Variants in OSBPL9 observed in about 807,000 individuals in gnomAD.
OSBPL9 encodes the protein oxysterol-binding protein-related protein 9.
A neutral mutation model predicts 106.6 loss-of-function variants in OSBPL9; 40 were observed. The ratio of observed to expected loss-of-function variants is 0.38; its 90% CI spans 0.29 to 0.49. OSBPL9 has a LOEUF of 0.49. OSBPL9 is among the 20% of genes least tolerant of loss of function. The pLI is 0.97. For synonymous variants in OSBPL9, 269 were observed against 295.4 expected, an observed-to-expected ratio of 0.91 and a Z score of 0.92; for missense variants, 609 against 887.2, an observed-to-expected ratio of 0.69 and a Z score of 3.98.
chr1:51,533,079 T>C, the OSBPL9 span, among the ~76,000 whole-genome samples: 1 of 152,202 alleles, frequency 6.6e-6, no homozygotes, highest in East Asian at 1.9e-4. Context: ...TATTTATTAA[T>C]AACTGGAAGC....
intron 3 of OSBPL9, chr1:51,706,990 G>A (rs1658690806): frequency 6.3e-6 from 1 of 159,764 alleles, no homozygotes. Context: ...TCTTCAGGGG[G>A]TCTGGCATGG....
intron 3 of OSBPL9, chr1:51,709,578 C>G (rs1179913512): frequency 6.5e-6 from 1 of 152,678 alleles, no homozygotes; most frequent in Non-Finnish European, 1.5e-5. Context: ...GATCCGAGGC[C>G]TGTCCCAGGG....
At chr1:51,636,096 G>GTC (rs1645418985) in intron 1 of OSBPL9, among the ~76,000 whole-genome samples, 1 of 149,148 alleles carries the variant, frequency 6.7e-6, no homozygotes, top group African/African-American at 2.5e-5. Context: ...GTGTGTGTGT[G>GTC]TGTGTGTGTG....
At chr1:51,768,086 C>T (rs1673006637) in intron 12 of OSBPL9, among the ~76,000 whole-genome samples, 2 of 151,430 alleles carry the variant, frequency 1.3e-5, no homozygotes, top group South Asian at 4.2e-4. Flanking sequence ...GGACTACAGG[C>T]GCCCGCCACC....
intron 1 of OSBPL9, among the ~76,000 whole-genome samples, chr1:51,581,737 C>T (rs568505517): frequency 6.6e-6 from 1 of 152,260 alleles, no homozygotes; most frequent in African/African-American, 2.4e-5. Flanking sequence ...TTCAGTATAG[C>T]CTTGAACTCC....
chr1:51,661,159 G>A (rs138612778), intron 2 of OSBPL9, among the ~76,000 whole-genome samples: 178 of 152,238 alleles, frequency 1.2e-3, no homozygotes, highest in African/African-American at 4.0e-3. Flanking sequence ...GTTATAATGG[G>A]AGTAGCTATG....
chr1:51,613,763 G>A (rs190437494), upstream of OSBPL9, among the ~76,000 whole-genome samples: 5 of 150,854 alleles, frequency 3.3e-5, no homozygotes, highest in South Asian at 2.1e-4. Context: ...TTGAGACAGG[G>A]TCTTGATCTG....
intron 1 of OSBPL9, among the ~76,000 whole-genome samples, chr1:51,588,522 T>C (rs1044376037): frequency 3.9e-5 from 6 of 152,116 alleles, no homozygotes; most frequent in Non-Finnish European, 5.9e-5. Context: ...TAGCTGGGTG[T>C]GCACCTGTGA....
At chr1:51,726,444 A>G (rs1557746270) in intron 4 of OSBPL9, among the ~76,000 whole-genome samples, 1 of 151,874 alleles carries the variant, frequency 6.6e-6, no homozygotes, top group Non-Finnish European at 1.5e-5. Flanking sequence ...CTACCAAAGC[A>G]TTTTTCATCT....
At chr1:51,764,186 T>C (rs1428229068) in intron 11 of OSBPL9, among the ~76,000 whole-genome samples, 1 of 152,228 alleles carries the variant, frequency 6.6e-6, no homozygotes, top group Non-Finnish European at 1.5e-5. Flanking sequence ...TTTGCTCTCC[T>C]AAGTAAATCT....
chr1:51,583,310 C>T (rs1645231103), intron 1 of OSBPL9: 2 of 152,148 alleles, frequency 1.3e-5, no homozygotes, highest in Admixed American at 1.3e-4. Flanking sequence ...GGAGCTAGCG[C>T]TTACTGAGTC....
intron 4 of OSBPL9, chr1:51,730,090 G>C (rs1218204314): frequency 4.8e-6 from 6 of 1,260,728 alleles, no homozygotes; most frequent in Non-Finnish European, 6.0e-6. Context: ...CGCGAATGTC[G>C]TGCTCACCCT....
intron 4 of OSBPL9, among the ~76,000 whole-genome samples, chr1:51,733,474 G>A (rs1405113454): frequency 1.3e-5 from 2 of 152,152 alleles, no homozygotes; most frequent in Non-Finnish European, 1.5e-5. Context: ...TTTAGAAACA[G>A]TGCTAAAAAT....
At chr1:51,638,101 C>T (rs545644782) in intron 1 of OSBPL9, among the ~76,000 whole-genome samples, 4 of 152,204 alleles carry the variant, frequency 2.6e-5, no homozygotes, top group South Asian at 4.1e-4. Context: ...GCCTTGTTCC[C>T]AGGATCTTGG....
Position 51,725,626 on chromosome 1 carries a change from T to G in OSBPL9, c.318+11547T>G, listed in dbSNP as rs549005350. Among the ~76,000 whole-genome samples the G allele has an allele frequency of 1.1e-4, 16 of 152,336 alleles. No individual in the cohort carries two copies. In the East Asian group the frequency reaches 3.1e-3, roughly 29 times the overall value. On this transcript the variant is annotated intron_variant, in intron 4 of 23. Coordinates refer to ENST00000428468, the MANE Select transcript of OSBPL9 (RefSeq NM_024586.6). ...TTAGTGAACTTTTGTCAACTTCACA[T>G]GTGCTTCTCAAGTCCATCCTGTAAG...
chr1:51,647,011 A>G (rs1296137922), intron 1 of OSBPL9, among the ~76,000 whole-genome samples: 2 of 152,216 alleles, frequency 1.3e-5, no homozygotes, highest in Admixed American at 6.5e-5. Context: ...GTTCTTAGGT[A>G]TAAAGCTTTT....
At chr1:51,608,685 G>C (rs1643965675) in intron 2 of OSBPL9, among the ~76,000 whole-genome samples, 1 of 151,398 alleles carries the variant, frequency 6.6e-6, no homozygotes, top group Admixed American at 6.6e-5. Flanking sequence ...ATTGGGGGGG[G>C]GGGCTTTCCT....
intron 3 of OSBPL9, among the ~76,000 whole-genome samples, chr1:51,675,970 A>G (rs1651092409): frequency 6.6e-6 from 1 of 152,224 alleles, no homozygotes; most frequent in African/African-American, 2.4e-5. Context: ...CTTATGAAGT[A>G]GGTACTGTTA....
chr1:51,632,677 G>A (rs1237051997), intron 1 of OSBPL9, among the ~76,000 whole-genome samples: 1 of 121,464 alleles, frequency 8.2e-6, no homozygotes, highest in East Asian at 2.0e-4. Context: ...GAAGTGGCGG[G>A]GACCAGATAC....
Sources: allele counts gnomAD v4.1 joint callset (sites outside exome capture counted in the v4.1 genomes callset), GRCh38; gene constraint gnomAD v4.1.1; transcripts MANE v1.5; gene names NCBI Gene and HGNC (gene_info 2026-07-23, HGNC 2026-07-21).